Variants in NTM observed in about 807,000 individuals in gnomAD.
NTM encodes neurotrimin.
In NTM, 13 loss-of-function variants were observed where a neutral mutation model predicts 42.1. The ratio of observed to expected loss-of-function variants is 0.31; its 90% CI spans 0.20 to 0.49. The LOEUF (loss-of-function observed/expected upper bound fraction) is 0.49, where lower values mean the gene tolerates loss of function less well. Ranked by LOEUF, NTM falls within the 20% of genes least tolerant of loss-of-function variation. The probability of loss-of-function intolerance (pLI) is 0.99; values close to 1 mark genes in which losing one functional copy is unlikely to be tolerated. For synonymous variants in NTM, 187 were observed against 179.2 expected, an observed-to-expected ratio of 1.04 and a Z score of -0.35; for missense variants, 373 against 452.8, an observed-to-expected ratio of 0.82 and a Z score of 1.60.
intron 2 of NTM, among the ~76,000 whole-genome samples, chr11:131,948,971 A>G (rs1023669470): frequency 5.3e-5 from 8 of 152,110 alleles, no homozygotes; most frequent in Non-Finnish European, 1.2e-4. Context: ...TGCCCATTTG[A>G]CAGCAACTCC....
intron 2 of NTM, among the ~76,000 whole-genome samples, chr11:132,086,819 C>T (rs1001636202): frequency 2.0e-5 from 3 of 152,148 alleles, no homozygotes; most frequent in Non-Finnish European, 4.4e-5. Flanking sequence ...GGTTCTCTTC[C>T]CCTGAGCTCA....
At chr11:131,907,787 G>A (rs1447314436) in intron 1 of NTM, among the ~76,000 whole-genome samples, 1 of 152,100 alleles carries the variant, frequency 6.6e-6, no homozygotes, top group East Asian at 1.9e-4. Flanking sequence ...GATATGCTGG[G>A]AAAAATAAAA....
intron 2 of NTM, among the ~76,000 whole-genome samples, chr11:132,119,200 C>T (rs1178524248): frequency 6.6e-6 from 1 of 152,208 alleles, no homozygotes; most frequent in Admixed American, 6.5e-5. Context: ...GCTCTGTGGT[C>T]ACCCTGGACA....
intron 3 of NTM, among the ~76,000 whole-genome samples, chr11:132,194,814 C>CTTT (rs902871492): frequency 9.0e-4 from 100 of 110,632 alleles, no homozygotes; most frequent in South Asian, 8.0e-3. Context: ...GCATTTCTTC[C>CTTT]TTTTTTTTTT....
chr11:132,092,711 C>T (rs1371643110), intron 2 of NTM, among the ~76,000 whole-genome samples: 1 of 152,178 alleles, frequency 6.6e-6, no homozygotes, highest in East Asian at 1.9e-4. Flanking sequence ...ATGTAAAGAT[C>T]TACAGACCTC....
chr11:132,303,819 G>A (rs1005399911), intron 4 of NTM, among the ~76,000 whole-genome samples: 31 of 152,104 alleles, frequency 2.0e-4, no homozygotes, highest in Admixed American at 2.6e-4. Context: ...CAGTGGTGGC[G>A]TGGTATACCA....
At chr11:131,776,584 T>G (rs10894443) in intron 1 of NTM, among the ~76,000 whole-genome samples, 3 of 145,614 alleles carry the variant, frequency 2.1e-5, no homozygotes, top group African/African-American at 7.4e-5. Flanking sequence ...TTTTAGACAT[T>G]TTTTTTTTTT....
intron 1 of NTM, among the ~76,000 whole-genome samples, chr11:131,421,135 C>A (rs1947475099): frequency 6.6e-6 from 1 of 152,204 alleles, no homozygotes. Context: ...TTATTAACTG[C>A]AACTTTACTT....
chr11:131,633,728 T>C (rs56354503), intron 1 of NTM, among the ~76,000 whole-genome samples: 17 of 21,358 alleles, frequency 8.0e-4, no homozygotes, highest in East Asian at 2.2e-3. Flanking sequence ...CCTCTCTCTC[T>C]CTCTCTCTCC....
At chr11:132,104,079 CGTT>C (rs1054913002) in intron 2 of NTM, among the ~76,000 whole-genome samples, 4 of 152,118 alleles carry the variant, frequency 2.6e-5, no homozygotes, top group African/African-American at 7.2e-5. Context: ...CTGTGTTTTT[CGTT>C]GTTGTTGTTC....
intron 1 of NTM, among the ~76,000 whole-genome samples, chr11:131,493,324 C>G (rs539157865): frequency 1.1e-3 from 162 of 152,218 alleles, no homozygotes; most frequent in African/African-American, 3.8e-3. Flanking sequence ...GTTTTAAGAT[C>G]ATGGAACCAT....
chr11:131,756,972 A>C (rs577988633), intron 1 of NTM, among the ~76,000 whole-genome samples: 2 of 152,344 alleles, frequency 1.3e-5, no homozygotes, highest in Admixed American at 1.3e-4. Context: ...TGATTCATAA[A>C]AACTTGGCTG....
intron 1 of NTM, among the ~76,000 whole-genome samples, chr11:131,452,163 T>A (rs1463083622): frequency 6.6e-6 from 1 of 152,216 alleles, no homozygotes; most frequent in African/African-American, 2.4e-5. Flanking sequence ...GACTTCTGAA[T>A]GTGTGGAGTT....
intron 4 of NTM, among the ~76,000 whole-genome samples, chr11:132,288,474 T>A (rs953216685): frequency 1.3e-5 from 2 of 152,248 alleles, no homozygotes; most frequent in Admixed American, 1.3e-4. Flanking sequence ...TCTGTGCCTG[T>A]ATGTTTTAAT....
At chr11:132,114,146 G>A (rs991528300) in intron 2 of NTM, among the ~76,000 whole-genome samples, 2 of 152,156 alleles carry the variant, frequency 1.3e-5, no homozygotes, top group East Asian at 1.9e-4. Context: ...AAAAATAAAA[G>A]AGATGTAAAT....
intron 1 of NTM, among the ~76,000 whole-genome samples, chr11:131,466,925 C>A (rs1356845127): frequency 2.0e-5 from 3 of 152,146 alleles, no homozygotes; most frequent in Non-Finnish European, 4.4e-5. Flanking sequence ...AAATTACTGG[C>A]CTGCTTTCCA....
At chr11:132,037,807 A>G (rs2076689525) in intron 2 of NTM, among the ~76,000 whole-genome samples, 1 of 152,218 alleles carries the variant, frequency 6.6e-6, no homozygotes, top group Admixed American at 6.5e-5. Context: ...ACTAATTATA[A>G]CATAGCTGCT....
intron 2 of NTM, among the ~76,000 whole-genome samples, chr11:132,129,036 A>T (rs10791206): frequency 0.74 from 112,198 of 151,540 alleles, 42,105 homozygotes; most frequent in Non-Finnish European, 0.78. Context: ...TTGGTGTCAC[A>T]AGTCCCAGCA....
Position 131,818,129 on chromosome 11 carries a change from C to A in NTM, c.83-93435C>A, listed in dbSNP as rs550358716. The stretch of plus-strand genomic sequence containing the variant: ...GGGACAATAGACTGAAATCTCCCTC[C>A]TTGCTTCAGAACCCACCTTCACGCT... On this transcript the variant is annotated intron_variant, in intron 1 of 8. Transcript: ENST00000683400. Among the ~76,000 whole-genome samples the A allele has an allele frequency of 6.1e-4, 93 of 152,264 alleles. No homozygotes were observed. The South Asian group carries it at 0.019, about 31-fold the overall frequency.
Sources: allele counts gnomAD v4.1 joint callset (sites outside exome capture counted in the v4.1 genomes callset), GRCh38; gene constraint gnomAD v4.1.1; transcripts MANE v1.5; gene names NCBI Gene and HGNC (gene_info 2026-07-23, HGNC 2026-07-21).